The following GRIK1 variants were observed in gnomAD, a reference collection of about 807,000 sequenced individuals.
GRIK1 encodes the protein glutamate receptor ionotropic, kainate 1.
Under a neutral mutation model 105.7 loss-of-function variants are expected in GRIK1, and 69 were observed. The ratio of observed to expected loss-of-function variants is 0.65; its 90% confidence interval spans 0.54 to 0.80. The LOEUF (loss-of-function observed/expected upper bound fraction) is 0.80, where lower values mean the gene tolerates loss of function less well. Ranked by LOEUF, GRIK1 falls within the 30% of genes least tolerant of loss-of-function variation. The pLI is 0.00. For synonymous variants in GRIK1, 438 were observed against 431.3 expected, an observed-to-expected ratio of 1.02 and a Z score of -0.19; for missense variants, 1,109 against 1,167.3, an observed-to-expected ratio of 0.95 and a Z score of 0.73.
chr21:29,672,975 C>G lies in GRIK1; in HGVS notation c.726+8G>C, dbSNP rs202147316. The G allele has an allele frequency of 1.2e-6, 2 of 1,601,246 alleles. No individual in the cohort carries two copies. Among genetic ancestry groups the G allele is most frequent in the South Asian group, 1.1e-5 (1 of 89,696 alleles). ...CCCACACCTCCACCTCCTCCCTAGC[C>G]CTCTTACCTGCTTAAGGATTTCAGC... On this transcript the variant is annotated splice_region_variant and intron_variant, in intron 4 of 17. Transcript: ENST00000327783.
intron 1 of GRIK1, among the ~76,000 whole-genome samples, chr21:29,813,913 CT>C (rs35127743): frequency 0.18 from 22,824 of 126,136 alleles, 1,821 homozygotes; most frequent in Middle Eastern, 0.26. Flanking sequence ...AAGAAACATT[CT>C]TTTTTTTTTT....
At chr21:29,782,253 A>AT (rs1274893784) in intron 1 of GRIK1, among the ~76,000 whole-genome samples, 1 of 150,960 alleles carries the variant, frequency 6.6e-6, no homozygotes, top group East Asian at 2.0e-4. Context: ...AGCCTGGCTA[A>AT]TTTTTTGTAT....
intron 7 of GRIK1, among the ~76,000 whole-genome samples, chr21:29,628,774 A>G (rs2062190539): frequency 6.6e-6 from 1 of 152,222 alleles, no homozygotes; most frequent in African/African-American, 2.4e-5. Flanking sequence ...AAATCAGATT[A>G]GTCAGTCTCA....
chr21:29,817,749 T>C (rs911885850), intron 1 of GRIK1, among the ~76,000 whole-genome samples: 2 of 152,168 alleles, frequency 1.3e-5, no homozygotes, highest in African/African-American at 4.8e-5. Context: ...TAAATTAATG[T>C]TTGCTTTTGC....
chr21:29,928,242 T>G (rs1311057531), intron 1 of GRIK1, among the ~76,000 whole-genome samples: 1 of 152,212 alleles, frequency 6.6e-6, no homozygotes, highest in African/African-American at 2.4e-5. Context: ...TTTAAAAAGT[T>G]TATTGTTTTT....
At chr21:29,732,136 G>A (rs1185205752) in intron 1 of GRIK1, among the ~76,000 whole-genome samples, 2 of 152,146 alleles carry the variant, frequency 1.3e-5, no homozygotes, top group Non-Finnish European at 1.5e-5. Context: ...ACTGCGTTTG[G>A]ATTTCTACCT....
intron 2 of GRIK1, among the ~76,000 whole-genome samples, chr21:29,693,599 G>T (rs2063627506): frequency 6.6e-6 from 1 of 152,078 alleles, no homozygotes; most frequent in South Asian, 2.1e-4. Context: ...TGGTATCTCA[G>T]CTTCAGGAAG....
intron 1 of GRIK1, among the ~76,000 whole-genome samples, chr21:29,714,893 A>C (rs2064142262): frequency 6.6e-6 from 1 of 152,240 alleles, no homozygotes; most frequent in Admixed American, 6.5e-5. Flanking sequence ...ACGCTAAATG[A>C]TTGAAAGCAT....
At chr21:29,930,175 G>A (rs2071518721) in intron 1 of GRIK1, among the ~76,000 whole-genome samples, 1 of 152,128 alleles carries the variant, frequency 6.6e-6, no homozygotes, top group Non-Finnish European at 1.5e-5. Context: ...AGAACAAAAG[G>A]AACAGCGCTA....
intron 1 of GRIK1, among the ~76,000 whole-genome samples, chr21:29,744,272 C>G (rs922007527): frequency 2.0e-5 from 3 of 152,176 alleles, no homozygotes; most frequent in African/African-American, 7.2e-5. Context: ...ACTTAGAAAA[C>G]TTTTTCATCT....
intron 7 of GRIK1, among the ~76,000 whole-genome samples, chr21:29,623,132 G>T (rs1009566743): frequency 3.3e-5 from 5 of 152,162 alleles, no homozygotes; most frequent in African/African-American, 1.2e-4. Context: ...AGTTCCACAT[G>T]GCTGGGGAAG....
chr21:29,826,866 CA>C (rs912555003), intron 1 of GRIK1, among the ~76,000 whole-genome samples: 1 of 151,996 alleles, frequency 6.6e-6, no homozygotes, highest in Non-Finnish European at 1.5e-5. Context: ...TTCAAAGTAT[CA>C]ATAGAAGAAT....
intron 1 of GRIK1, among the ~76,000 whole-genome samples, chr21:29,735,273 T>G (rs2064760940): frequency 6.6e-6 from 1 of 152,222 alleles, no homozygotes; most frequent in African/African-American, 2.4e-5. Flanking sequence ...TGTGTTCACT[T>G]TAGGTGAATT....
chr21:29,784,732 C>T (rs1398528592), intron 1 of GRIK1, among the ~76,000 whole-genome samples: 1 of 152,102 alleles, frequency 6.6e-6, no homozygotes, highest in East Asian at 1.9e-4. Context: ...TGGATTATTT[C>T]TAATAATGCC....
At chr21:29,937,138 T>A (rs2071786911) in intron 1 of GRIK1, among the ~76,000 whole-genome samples, 1 of 152,182 alleles carries the variant, frequency 6.6e-6, no homozygotes, top group African/African-American at 2.4e-5. Flanking sequence ...CAACCCCTTT[T>A]TGTTAATTTT....
intron 1 of GRIK1, among the ~76,000 whole-genome samples, chr21:29,898,958 G>A (rs1286965895): frequency 6.8e-6 from 1 of 148,108 alleles, no homozygotes; most frequent in African/African-American, 2.6e-5. Context: ...GGCAACAAGA[G>A]TGAAACTCCG....
intron 1 of GRIK1, among the ~76,000 whole-genome samples, chr21:29,796,785 C>A (rs1046028434): frequency 6.6e-6 from 1 of 151,988 alleles, no homozygotes; most frequent in Non-Finnish European, 1.5e-5. Context: ...CCCATCTCTA[C>A]TAAAAATACA....
At chr21:29,882,319 T>C (rs533258686) in intron 1 of GRIK1, among the ~76,000 whole-genome samples, 26 of 152,250 alleles carry the variant, frequency 1.7e-4, no homozygotes, top group African/African-American at 6.0e-4. Context: ...GTTTGGCCCA[T>C]ACTTAATGTA....
intron 1 of GRIK1, among the ~76,000 whole-genome samples, chr21:29,787,790 T>C (rs542637716): frequency 6.6e-6 from 1 of 152,362 alleles, no homozygotes; most frequent in South Asian, 2.1e-4. Flanking sequence ...GGAACATTTA[T>C]CAATCTTGCT....
Sources: gnomAD v4.1 joint callset for allele counts (sites outside exome capture counted in the v4.1 genomes callset) on GRCh38, gnomAD v4.1.1 for gene constraint, MANE v1.5 for transcripts, NCBI Gene and HGNC (gene_info 2026-07-23, HGNC 2026-07-21) for gene names.